Variants in DBR1 observed in about 807,000 individuals in gnomAD.
DBR1 encodes debranching RNA lariats 1.
Under a neutral mutation model 45.9 loss-of-function variants are expected in DBR1, and 33 were observed. That is an observed-to-expected ratio of 0.72 (90% CI 0.55 to 0.96). The LOEUF (loss-of-function observed/expected upper bound fraction) is 0.96. Ranked by LOEUF, DBR1 falls within the 40% of genes least tolerant of loss-of-function variation. The pLI is 0.00. For missense variants in DBR1, 619 were observed against 667.4 expected (o/e 0.93, Z 0.80); for synonymous variants, 235 against 235.9 (o/e 1.00, Z 0.04).
intron 3 of DBR1, 110 bp from the exon 4 acceptor site, chr3:138,170,302 T>C (rs967084798): frequency 7.6e-6 from 5 of 653,806 alleles, no homozygotes; most frequent in Non-Finnish European, 1.0e-5. Flanking sequence ...ATATATACGA[T>C]TTTAAAAAGT....
rs535045783 is a variant in DBR1 at position 138,173,536 on chromosome 3, A to G, written c.288T>C (p.Tyr96=). ...EASNHLQELP[Y]GGWVAPNIYY... ...AAATGTTTGGTGCCACCCAGCCACC[A>G]TAGGGTAACTCTTGCAAATGATTTG... The change falls in exon 2 of 8, where the codon TAT becomes TAC. Residue 96 remains tyrosine (Y), a synonymous_variant. Coordinates refer to ENST00000260803, the MANE Select transcript of DBR1 (RefSeq NM_016216.4). 10 of 1,614,106 alleles carry G rather than the reference A, an allele frequency of 6.2e-6. No individual in the cohort carries two copies. Among genetic ancestry groups the G allele is most frequent in the South Asian group, 3.3e-5 (3 of 91,084 alleles).
intron 2 of DBR1, among the ~76,000 whole-genome samples, chr3:138,172,349 CA>C (rs2107906341): frequency 6.6e-6 from 1 of 152,240 alleles, no homozygotes; most frequent in East Asian, 1.9e-4. Flanking sequence ...TTTGGAGGCC[CA>C]GGTGGGCGGA....
intron 7 of DBR1, 119 bp from the exon 8 acceptor site, chr3:138,162,701 T>C (rs1463273510): frequency 1.1e-6 from 1 of 901,950 alleles, no homozygotes; most frequent in Non-Finnish European, 1.7e-6. Flanking sequence ...CAAAATTCCA[T>C]TTTTAAAGTT....
intron 4 of DBR1, among the ~76,000 whole-genome samples, chr3:138,169,074 T>A (rs767792882): frequency 1.1e-4 from 16 of 152,320 alleles, no homozygotes; most frequent in South Asian, 2.1e-4. Context: ...GGGAACTGTA[T>A]GCACAGGGCA....
Position 138,174,782 on chromosome 3 carries a change from A to G in DBR1, c.14T>C (p.Val5Ala). The change falls in exon 1 of 8, where the codon GTG becomes GCG. Residue 5 changes from valine to alanine, a missense_variant. Coordinates refer to ENST00000260803, the MANE Select transcript of DBR1 (RefSeq NM_016216.4). Reference protein sequence around the residue: MRVAVAGCCHGELDK... With the variant: MRVAAAGCCHGELDK... The stretch of plus-strand genomic sequence containing the variant: ...CAGCTCGCCGTGGCAGCAGCCAGCC[A>G]CAGCCACCCGCATTCTGCCGGCCTG... 2 of 1,611,560 alleles carry G rather than the reference A, an allele frequency of 1.2e-6. No individual in the cohort carries two copies. Among genetic ancestry groups the G allele is most frequent in the Non-Finnish European group, 1.7e-6 (2 of 1,179,558 alleles).
Position 138,174,301 on chromosome 3 carries a change from A to T in DBR1, c.197+298T>A, listed in dbSNP as rs142200310. On this transcript the variant is annotated intron_variant, in intron 1 of 7. Coordinates refer to ENST00000260803, the MANE Select transcript of DBR1 (RefSeq NM_016216.4). ...TTCTTCCTCCAGGTTATCCCCTCCC[A>T]GGCTTCGACACCCTTTGAAATGGAT... Among the ~76,000 whole-genome samples, 12 of 152,266 alleles carry T rather than the reference A, an allele frequency of 7.9e-5. No homozygotes were observed. The East Asian group carries it at 2.3e-3, about 29-fold the overall frequency.
Position 138,165,624 on chromosome 3 carries a change from G to A in DBR1, c.714+1457C>T, listed in dbSNP as rs536601326. 2.6e-5 allele frequency among the ~76,000 whole-genome samples: 4 copies of A among 152,192 alleles called. No homozygotes were observed. The East Asian group carries it at 7.8e-4, about 30-fold the overall frequency. On this transcript the variant is annotated intron_variant, in intron 5 of 7. Transcript: ENST00000260803. ...GGCGCCTGTAGTCCCAGCTACTCTG[G>A]ACACTGAGGCAGGAGAATGGTGTGA...
chr3:138,172,381 C>G (rs567189429), intron 2 of DBR1, among the ~76,000 whole-genome samples: 2 of 152,026 alleles, frequency 1.3e-5, no homozygotes, highest in African/African-American at 4.8e-5. Context: ...CTCATGAGTT[C>G]GAGACCAGCC....
At chr3:138,169,479 A>T (rs1163830327) in intron 4 of DBR1, among the ~76,000 whole-genome samples, 1 of 152,200 alleles carries the variant, frequency 6.6e-6, no homozygotes, top group Admixed American at 6.5e-5. Flanking sequence ...CTATTACATA[A>T]AATAAAATGT....
intron 1 of DBR1, 36 bp downstream of exon 1, chr3:138,174,563 C>G (rs543320850): frequency 1.2e-5 from 18 of 1,510,584 alleles, no homozygotes; most frequent in South Asian, 2.4e-5. Flanking sequence ...AGTCCCACCC[C>G]CCCACCGCCA....
chr3:138,171,600 T>C, intron 3 of DBR1, 33 bp downstream of exon 3: 2 of 1,503,360 alleles, frequency 1.3e-6, no homozygotes, highest in Non-Finnish European at 1.9e-6. Context: ...GCATGCAAGT[T>C]CTAAAGTTTA....
chr3:138,162,243 A>T lies in DBR1; in HGVS notation c.1281T>A (p.Asp427Glu), dbSNP rs781245780. The T allele has an allele frequency of 1.2e-6, 2 of 1,614,142 alleles. No homozygotes were observed. Among genetic ancestry groups the T allele is most frequent in the Non-Finnish European group, 8.5e-7 (1 of 1,180,008 alleles). The change falls in exon 8 of 8, where the codon GAT becomes GAA. Residue 427 changes from aspartate (D) to glutamate (E), a missense_variant. Coordinates refer to ENST00000260803, the MANE Select transcript of DBR1 (RefSeq NM_016216.4). The part of the protein sequence containing the change: ...DTSALSSINP[D>E]EIMLDEEEDE... The stretch of plus-strand genomic sequence containing the variant: ...CTTCTTCTTCATCTAACATTATTTC[A>T]TCTGGATTAATAGAAGACAGAGCAG...
At chr3:138,171,756 T>C (rs924522060) in intron 2 of DBR1, 43 bp from the exon 3 acceptor site, 1 of 1,371,138 alleles carries the variant, frequency 7.3e-7, no homozygotes, top group Non-Finnish European at 1.0e-6. Context: ...GCAAAAGGAA[T>C]CTCTACACCG....
chr3:138,171,368 A>T lies in DBR1; in HGVS notation c.403+265T>A, dbSNP rs1559884159. The T allele has an allele frequency of 3.3e-5, 8 of 240,594 alleles. No individual in the cohort carries two copies. The South Asian group carries it at 5.6e-4, about 17-fold the overall frequency. The allele number at this position is 240,594 out of a possible 1,614,324, so 14.9% of individuals were successfully genotyped here. On this transcript the variant is annotated intron_variant, in intron 3 of 7. Transcript: ENST00000260803. ...TGGGCGCCTGTAATCCCAGCTACTCAGGAGGCTGAGGCAGGAGAATGGCTT... is the reference window on the plus strand; with the variant it reads ...TGGGCGCCTGTAATCCCAGCTACTCTGGAGGCTGAGGCAGGAGAATGGCTT...
At chr3:138,165,598 G>A (rs183807451) in intron 5 of DBR1, among the ~76,000 whole-genome samples, 4 of 152,120 alleles carry the variant, frequency 2.6e-5, no homozygotes, top group Admixed American at 2.0e-4. Flanking sequence ...GCGTGGTGGC[G>A]GGCGCCTGTA....
chr3:138,163,879 T>A (rs375069331), intron 5 of DBR1, 21 bp from the exon 6 acceptor site: 11 of 1,578,460 alleles, frequency 7.0e-6, no homozygotes, highest in African/African-American at 1.3e-5. Context: ...TGAATCATGA[T>A]TTAAGAAAGA....
In DBR1 at chr3:138,174,611, T is replaced by C. The variant is rs773630219; in HGVS notation, c.185A>G (p.Gln62Arg). The change falls in exon 1 of 8, where the codon CAA becomes CGA. Residue 62 changes from glutamine (Q) to arginine (R), a missense_variant. Around this residue, in one of 3 missense-constraint regions of DBR1, gnomAD observed 430 missense variants for 447.7 expected, o/e 0.96. Transcript: ENST00000260803. Reference sequence around the variant, plus strand: ...GCCGCGTCCTCACCTGTAGAAGGTTTGCATGTGACGATACTTGGGCGGCAC... The same window carrying C: ...GCCGCGTCCTCACCTGTAGAAGGTTCGCATGTGACGATACTTGGGCGGCAC... ...MAVPPKYRHMQTFYRYYSGEK... is the reference protein window; with the variant it reads ...MAVPPKYRHMRTFYRYYSGEK... 2 of 1,610,196 alleles carry C rather than the reference T, an allele frequency of 1.2e-6. No individual in the cohort carries two copies. The highest frequency in any genetic ancestry group is 2.2e-5 in the South Asian group (2 of 90,244).
At chr3:138,164,105 G>T in intron 5 of DBR1, 1 of 336,884 alleles carries the variant, frequency 3.0e-6, no homozygotes, top group Non-Finnish European at 5.5e-6. Context: ...TGATGATGAT[G>T]ATGTTAACTC....
At position 138,167,061 on chromosome 3, in the gene DBR1, A is replaced by C; in HGVS notation, c.714+20T>G. ...TCAATAGTGTGTGTTAAATGAAAGA[A>C]TAAACATTTTGTTTTCTACCTGATG... On this transcript the variant is annotated intron_variant, in intron 5 of 7. Transcript: ENST00000260803. 6.2e-7 allele frequency: 1 copy of C among 1,605,444 alleles called. No homozygotes were observed. Among genetic ancestry groups the C allele is most frequent in the Non-Finnish European group, 8.5e-7 (1 of 1,172,312 alleles).
Sources: allele counts gnomAD v4.1 joint callset (sites outside exome capture counted in the v4.1 genomes callset), GRCh38; gene constraint gnomAD v4.1.1; regional missense constraint gnomAD v4.1.1; transcripts MANE v1.5; gene names NCBI Gene and HGNC (gene_info 2026-07-23, HGNC 2026-07-21).